The following MYRIP variants were observed in gnomAD, a reference collection of about 807,000 sequenced individuals.
The protein encoded by MYRIP is myosin VIIA and Rab interacting protein, also known as rab effector MyRIP.
Under a neutral mutation model 98.0 loss-of-function variants are expected in MYRIP, and 49 were observed. That is an observed-to-expected ratio of 0.50 (90% CI 0.40 to 0.63). The LOEUF is 0.63. MYRIP is among the 30% of genes least tolerant of loss of function. The pLI is 0.00. For synonymous variants in MYRIP, 404 were observed against 409.5 expected, an observed-to-expected ratio of 0.99 and a Z score of 0.16; for missense variants, 1,004 against 1,058.2, an observed-to-expected ratio of 0.95 and a Z score of 0.71.
intron 10 of MYRIP, among the ~76,000 whole-genome samples, chr3:40,203,141 AG>A (rs1359601392): frequency 6.6e-6 from 1 of 151,924 alleles, no homozygotes; most frequent in East Asian, 1.9e-4. Context: ...CATGCTGGCC[AG>A]GATGGTCTTG....
At chr3:39,994,390 T>C (rs1413014233) in intron 2 of MYRIP, among the ~76,000 whole-genome samples, 2 of 152,240 alleles carry the variant, frequency 1.3e-5, no homozygotes, top group African/African-American at 4.8e-5. Context: ...CTGGAGATTA[T>C]ATCCCGTGCC....
At chr3:40,115,388 G>T (rs1228473089) in intron 3 of MYRIP, among the ~76,000 whole-genome samples, 1 of 152,144 alleles carries the variant, frequency 6.6e-6, no homozygotes, top group Non-Finnish European at 1.5e-5. Flanking sequence ...TTAAAATCAT[G>T]GTGGAAGGCA....
intron 1 of MYRIP, among the ~76,000 whole-genome samples, chr3:39,893,674 TCACACACACA>T (rs66667492): frequency 0.018 from 2,621 of 147,162 alleles, 51 homozygotes; most frequent in East Asian, 0.063. Flanking sequence ...TAAGTGGAAA[TCACACACACA>T]CACACACACA....
Position 40,202,304 on chromosome 3 carries a change from C to T in MYRIP, c.1666-7550C>T, listed in dbSNP as rs142532844. Among the ~76,000 whole-genome samples the T allele has an allele frequency of 5.1e-4, 78 of 152,238 alleles. 1 individual carries two copies. Among genetic ancestry groups the T allele is most frequent in the African/African-American group, 1.7e-3 (72 of 41,538 alleles). ...GCCTGCCCTTTGCCTCCTGAAACAA[C>T]CTGGCAGGTGAAAGATAGCCTCTAT... On this transcript the variant is annotated intron_variant, in intron 10 of 16. Transcript: ENST00000302541.
At chr3:40,035,994 AAG>A (rs1947372722) in intron 2 of MYRIP, among the ~76,000 whole-genome samples, 1 of 151,886 alleles carries the variant, frequency 6.6e-6, no homozygotes, top group African/African-American at 2.4e-5. Flanking sequence ...AGATGAAACA[AAG>A]AGATTAGGAG....
rs529027175 is a variant in MYRIP, at chr3:39,997,884, G to A, written c.111-46166G>A. On this transcript the variant is annotated intron_variant, in intron 2 of 16. Coordinates refer to ENST00000302541, the MANE Select transcript of MYRIP (RefSeq NM_015460.4). ...GCGATGCAAGCCTGGTTCAACATAC[G>A]CAAATCAATAAACATAATCCAGCAC... Among the ~76,000 whole-genome samples, 560 of 151,962 alleles carry A rather than the reference G, an allele frequency of 3.7e-3. 1 individual carries two copies. Among genetic ancestry groups the A allele is most frequent in the Non-Finnish European group, 6.2e-3 (422 of 67,984 alleles).
At chr3:40,106,740 A>T (rs1320312629) in intron 3 of MYRIP, among the ~76,000 whole-genome samples, 1 of 151,980 alleles carries the variant, frequency 6.6e-6, no homozygotes, top group Admixed American at 6.6e-5. Flanking sequence ...AAATTTTGTT[A>T]TTCAGCCTAT....
chr3:39,940,412 T>G (rs1485576445), intron 2 of MYRIP, among the ~76,000 whole-genome samples: 7 of 152,084 alleles, frequency 4.6e-5, no homozygotes, highest in Non-Finnish European at 1.0e-4. Flanking sequence ...CAAAGGGACA[T>G]TGGATTATAT....
chr3:40,243,602 T>C (rs1010792809), intron 12 of MYRIP, among the ~76,000 whole-genome samples: 2 of 152,210 alleles, frequency 1.3e-5, no homozygotes, highest in African/African-American at 4.8e-5. Context: ...CTTTAAGTAA[T>C]TACTTTCTTT....
intron 2 of MYRIP, among the ~76,000 whole-genome samples, chr3:39,959,980 C>T (rs1945281862): frequency 6.6e-6 from 1 of 152,026 alleles, no homozygotes; most frequent in African/African-American, 2.4e-5. Flanking sequence ...GGAAAAAAGA[C>T]TTTGTTGTGT....
intron 10 of MYRIP, among the ~76,000 whole-genome samples, chr3:40,204,175 T>TTATACA (rs1951721796): frequency 1.7e-5 from 1 of 57,806 alleles, no homozygotes; most frequent in East Asian, 4.6e-4. Flanking sequence ...AATATTTATA[T>TTATACA]ATTATATAAT....
At chr3:39,873,880 G>T (rs1323020139) in intron 1 of MYRIP, among the ~76,000 whole-genome samples, 3 of 152,116 alleles carry the variant, frequency 2.0e-5, no homozygotes, top group South Asian at 2.1e-4. Context: ...GTGAAGAAAG[G>T]CATTGGTAGC....
intron 3 of MYRIP, among the ~76,000 whole-genome samples, chr3:40,135,800 G>A (rs989138681): frequency 2.6e-5 from 4 of 152,156 alleles, no homozygotes; most frequent in Non-Finnish European, 5.9e-5. Context: ...ATAAGTGAAG[G>A]AGAAATAAAA....
At chr3:40,212,490 C>G (rs1328052953) in intron 11 of MYRIP, among the ~76,000 whole-genome samples, 1 of 151,992 alleles carries the variant, frequency 6.6e-6, no homozygotes. Flanking sequence ...CATAATCGCC[C>G]AGGCGCAGTG....
chr3:40,013,558 A>G (rs1160472077), intron 2 of MYRIP, among the ~76,000 whole-genome samples: 2 of 152,250 alleles, frequency 1.3e-5, no homozygotes, highest in African/African-American at 4.8e-5. Context: ...TTTCTGTGGC[A>G]TCTCACCAAC....
At chr3:39,841,061 A>G (rs1941785337) in intron 1 of MYRIP, among the ~76,000 whole-genome samples, 1 of 152,002 alleles carries the variant, frequency 6.6e-6, no homozygotes, top group East Asian at 1.9e-4. Context: ...GTGTTTTCCA[A>G]CTCGGTTCCA....
intron 3 of MYRIP, among the ~76,000 whole-genome samples, chr3:40,068,038 A>C (rs1174275240): frequency 6.6e-6 from 1 of 152,190 alleles, no homozygotes; most frequent in African/African-American, 2.4e-5. Context: ...ACCCATTTTC[A>C]TGATTTTGAA....
At chr3:40,141,878 C>T (rs1307932647) in intron 3 of MYRIP, among the ~76,000 whole-genome samples, 1 of 152,058 alleles carries the variant, frequency 6.6e-6, no homozygotes, top group Non-Finnish European at 1.5e-5. Flanking sequence ...TCTGATAATA[C>T]AATGCCTCTA....
At chr3:40,143,746 C>T (rs1575572845) in intron 3 of MYRIP, among the ~76,000 whole-genome samples, 1 of 152,112 alleles carries the variant, frequency 6.6e-6, no homozygotes. Flanking sequence ...TTAAATCAAG[C>T]TAGTTAACAT....
Sources: allele counts gnomAD v4.1 joint callset (sites outside exome capture counted in the v4.1 genomes callset), GRCh38; gene constraint gnomAD v4.1.1; transcripts MANE v1.5; gene names NCBI Gene and HGNC (gene_info 2026-07-23, HGNC 2026-07-21).